The following STXBP6 variants were observed in gnomAD, a reference collection of about 807,000 sequenced individuals.
STXBP6 encodes the protein syntaxin binding protein 6.
Under a neutral mutation model 26.9 loss-of-function variants are expected in STXBP6, and 21 were observed. The observed-to-expected ratio is 0.78, with a 90% confidence interval of 0.55 to 1.12. The LOEUF (loss-of-function observed/expected upper bound fraction) is 1.12. Among genes scored for constraint, STXBP6 ranks in the 50% most tolerant of loss-of-function variants. STXBP6 has a pLI of 0.00. For missense variants in STXBP6, 232 were observed against 257.9 expected (o/e 0.90, Z 0.69); for synonymous variants, 97 against 92.6 (o/e 1.05, Z -0.27).
intron 2 of STXBP6, among the ~76,000 whole-genome samples, chr14:24,963,970 T>TAAAAAAAAAAAAAA (rs768793147): frequency 1.5e-5 from 1 of 64,692 alleles, no homozygotes; most frequent in Non-Finnish European, 3.0e-5. Context: ...AGCAAGTTTC[T>TAAAAAAAAAAAAAA]AAAAAAAAAA....
chr14:24,913,061 C>T (rs762848327), intron 2 of STXBP6, among the ~76,000 whole-genome samples: 5 of 152,006 alleles, frequency 3.3e-5, no homozygotes, highest in Non-Finnish European at 7.4e-5. Context: ...TGCCAGGAGA[C>T]GGGTATAATT....
chr14:24,879,470 C>T lies in STXBP6; in HGVS notation c.155-22313G>A, dbSNP rs115007317. On this transcript the variant is annotated intron_variant, in intron 2 of 5. Coordinates refer to ENST00000323944, the MANE Select transcript of STXBP6 (RefSeq NM_001394410.1). ...ATAAAAAAGTTTCTTGCCCTCCTCC[C>T]TGCTCCAGGCTGACTCTCAGTGTGG... Among the ~76,000 whole-genome samples the T allele has an allele frequency of 4.2e-3, 638 of 152,264 alleles. 2 individuals are homozygous for T. Among genetic ancestry groups the T allele is most frequent in the African/African-American group, 0.015 (604 of 41,552 alleles).
chr14:25,016,241 T>C (rs1281044207), intron 1 of STXBP6, among the ~76,000 whole-genome samples: 1 of 152,196 alleles, frequency 6.6e-6, no homozygotes, highest in Non-Finnish European at 1.5e-5. Context: ...TACAAACTTC[T>C]ATTTGTTTAG....
intron 1 of STXBP6, among the ~76,000 whole-genome samples, chr14:24,978,202 C>G (rs185420775): frequency 6.6e-6 from 1 of 152,218 alleles, no homozygotes; most frequent in Non-Finnish European, 1.5e-5. Context: ...TTTTCAAAAA[C>G]GCAGACCCCT....
chr14:24,939,533 T>C (rs1231012518), intron 2 of STXBP6, among the ~76,000 whole-genome samples: 2 of 152,200 alleles, frequency 1.3e-5, no homozygotes, highest in African/African-American at 2.4e-5. Flanking sequence ...TTTCTGCTAT[T>C]CTGCCTATGG....
rs34166172 is a variant in STXBP6, at chr14:24,995,011, CAAAAAAAAAAAA to C, written c.-32-20173_-32-20162del. 1.6e-4 allele frequency: 15 copies of C among 96,604 alleles called. 1 individual carries two copies. The highest frequency in any genetic ancestry group is 4.7e-4 in the African/African-American group (15 of 32,202). 6.0% of individuals were successfully genotyped at this position (96,604 alleles called of 1,614,324 possible). On this transcript the variant is annotated intron_variant, in intron 1 of 5. Coordinates refer to ENST00000323944, the MANE Select transcript of STXBP6 (RefSeq NM_001394410.1). ...TAGGTGACAGAGTGAGACTCCATGT[CAAAAAAAAAAAA>C]AAAAAAACCACACACACAAAATTCC...
In STXBP6 at chr14:25,049,819, C is replaced by T. The variant is rs1347526230; in HGVS notation, c.-33+59G>A. 2.0e-6 allele frequency: 2 copies of T among 985,882 alleles called. No homozygotes were observed. Among genetic ancestry groups the T allele is most frequent in the Non-Finnish European group, 2.4e-6 (2 of 830,338 alleles). 61.1% of individuals were successfully genotyped at this position (985,882 alleles called of 1,614,324 possible). Reference sequence around the variant, plus strand: ...CCCCAACAGCCGTGGCGGCTGCAACCGCATCTCCCGGGCTTGGCCTCCGCC... The same window carrying T: ...CCCCAACAGCCGTGGCGGCTGCAACTGCATCTCCCGGGCTTGGCCTCCGCC... On this transcript the variant is annotated intron_variant, in intron 1 of 5. Transcript: ENST00000323944. This position sits in a 1 kb window ranked among gnomAD's most constrained non-coding sequence, Gnocchi z 5.6.
intron 2 of STXBP6, among the ~76,000 whole-genome samples, chr14:24,882,161 C>T (rs1185324422): frequency 2.0e-5 from 3 of 151,426 alleles, no homozygotes; most frequent in Non-Finnish European, 4.4e-5. Context: ...GGGCGGATCA[C>T]GAGGTCAGGA....
intron 2 of STXBP6, among the ~76,000 whole-genome samples, chr14:24,931,705 G>A (rs1179147493): frequency 6.6e-6 from 1 of 152,098 alleles, no homozygotes; most frequent in Non-Finnish European, 1.5e-5. Flanking sequence ...ATGGTGATAA[G>A]GGCAATGAAA....
At chr14:24,910,238 G>A (rs1043350682) in intron 2 of STXBP6, among the ~76,000 whole-genome samples, 20 of 132,506 alleles carry the variant, frequency 1.5e-4, no homozygotes, top group Non-Finnish European at 2.5e-4. Flanking sequence ...ACTACTCTCA[G>A]TAAAACAGCA....
chr14:24,884,175 T>C (rs1483974331), intron 2 of STXBP6, among the ~76,000 whole-genome samples: 1 of 152,252 alleles, frequency 6.6e-6, no homozygotes, highest in East Asian at 1.9e-4. Context: ...ATCAGCCACC[T>C]ACATTCTGTG....
chr14:25,047,287 G>T (rs1474416512), intron 1 of STXBP6, among the ~76,000 whole-genome samples: 1 of 152,094 alleles, frequency 6.6e-6, no homozygotes, highest in East Asian at 1.9e-4. Flanking sequence ...TGAAAAGAAG[G>T]GGGAATCCTA....
intron 1 of STXBP6, among the ~76,000 whole-genome samples, chr14:24,993,975 T>C (rs1425577352): frequency 6.6e-6 from 1 of 152,204 alleles, no homozygotes; most frequent in Non-Finnish European, 1.5e-5. Flanking sequence ...GCTGCAGGGA[T>C]GGCAGCTGCT....
intron 2 of STXBP6, among the ~76,000 whole-genome samples, chr14:24,937,455 G>T (rs1362669697): frequency 6.6e-6 from 1 of 152,012 alleles, no homozygotes; most frequent in Non-Finnish European, 1.5e-5. Context: ...CAGTTTACAG[G>T]GCAATTACAC....
rs558842028 is a variant in STXBP6 at position 25,009,753 on chromosome 14, G to T, written c.-32-34903C>A. Among the ~76,000 whole-genome samples the T allele has an allele frequency of 5.9e-5, 9 of 152,188 alleles. No homozygotes were observed. In the East Asian group the frequency reaches 1.7e-3, roughly 29 times the overall value. On this transcript the variant is annotated intron_variant, in intron 1 of 5. Transcript: ENST00000323944. ...AAACAACATCACACACACACAAACT[G>T]CATTTAGAACCAAGCCAAATACCAC... is the stretch of plus-strand genomic sequence containing the variant.
At chr14:24,947,937 G>C (rs1289674246) in intron 2 of STXBP6, among the ~76,000 whole-genome samples, 1 of 152,138 alleles carries the variant, frequency 6.6e-6, no homozygotes, top group Admixed American at 6.6e-5. Flanking sequence ...CCTTCACAAA[G>C]ATTGCTCAGA....
intron 2 of STXBP6, among the ~76,000 whole-genome samples, chr14:24,900,321 G>A (rs756942039): frequency 1.3e-5 from 2 of 152,114 alleles, no homozygotes; most frequent in Non-Finnish European, 2.9e-5. Flanking sequence ...CCTCATCAAA[G>A]CACCTACTGG....
chr14:24,949,905 G>T (rs544734118), intron 2 of STXBP6, among the ~76,000 whole-genome samples: 1 of 152,196 alleles, frequency 6.6e-6, no homozygotes, highest in African/African-American at 2.4e-5. Context: ...TAACCAATCT[G>T]GCTGTTCTGC....
intron 4 of STXBP6, among the ~76,000 whole-genome samples, chr14:24,852,787 C>A (rs1213207758): frequency 6.6e-6 from 1 of 152,108 alleles, no homozygotes; most frequent in East Asian, 1.9e-4. Flanking sequence ...ATATTCCCAG[C>A]AATTCATATA....
Sources: gnomAD v4.1 joint callset for allele counts (sites outside exome capture counted in the v4.1 genomes callset) on GRCh38, gnomAD v4.1.1 for gene constraint, Gnocchi (gnomAD v3.1) non-coding constraint, MANE v1.5 for transcripts, NCBI Gene and HGNC (gene_info 2026-07-23, HGNC 2026-07-21) for gene names.